ALOX5AP: variants seen among roughly 807,000 people sequenced by gnomAD.
ALOX5AP encodes arachidonate 5-lipoxygenase-activating protein.
Under a neutral mutation model 18.5 loss-of-function variants are expected in ALOX5AP, and 9 were observed. The observed-to-expected ratio is 0.49, with a 90% CI of 0.29 to 0.85. The LOEUF (loss-of-function observed/expected upper bound fraction) is 0.85, where lower values mean the gene tolerates loss of function less well. Among genes scored for constraint, ALOX5AP ranks in the 40% least tolerant of loss-of-function variants. The probability of loss-of-function intolerance (pLI) is 0.08; values close to 1 mark genes in which losing one functional copy is unlikely to be tolerated. For synonymous variants in ALOX5AP, 81 were observed against 78.6 expected, an observed-to-expected ratio of 1.03 and a Z score of -0.16; for missense variants, 172 against 202.5, an observed-to-expected ratio of 0.85 and a Z score of 0.91.
chr13:30,723,583 A>G (rs1951611502), intron 1 of ALOX5AP, among the ~76,000 whole-genome samples: 1 of 152,214 alleles, frequency 6.6e-6, no homozygotes, highest in Non-Finnish European at 1.5e-5. Flanking sequence ...CCACCATTCA[A>G]TATTTCTAAT....
chr13:30,735,587 T>A lies in ALOX5AP; in HGVS notation c.-19T>A. 2 of 1,614,076 alleles carry A rather than the reference T, an allele frequency of 1.2e-6. No individual in the cohort carries two copies. Among genetic ancestry groups the A allele is most frequent in the Non-Finnish European group, 1.7e-6 (2 of 1,179,994 alleles). ...CAGCTGGAGGCAGAGCAGTCCTCTCTGGGGAGCCTGAAGCAAACATGGATC... is the reference window on the plus strand; with the variant it reads ...CAGCTGGAGGCAGAGCAGTCCTCTCAGGGGAGCCTGAAGCAAACATGGATC... On this transcript the variant is annotated 5_prime_UTR_variant, in exon 1 of 5. Coordinates refer to ENST00000380490, the MANE Select transcript of ALOX5AP (RefSeq NM_001629.4).
intron 1 of ALOX5AP, among the ~76,000 whole-genome samples, chr13:30,737,598 G>T (rs543873060): frequency 6.6e-4 from 101 of 152,312 alleles, no homozygotes; most frequent in African/African-American, 2.3e-3. Flanking sequence ...TGATGAGTGT[G>T]CTGGGGGCTT....
chr13:30,751,820 C>T (rs1165672979), intron 2 of ALOX5AP, among the ~76,000 whole-genome samples: 5 of 152,176 alleles, frequency 3.3e-5, no homozygotes, highest in African/African-American at 1.2e-4. Flanking sequence ...TACGCATCAC[C>T]GTAGGAACAG....
intron 4 of ALOX5AP, among the ~76,000 whole-genome samples, chr13:30,757,943 A>G (rs371138218): frequency 6.6e-6 from 1 of 152,126 alleles, no homozygotes; most frequent in South Asian, 2.1e-4. Context: ...TTTAGGTGAT[A>G]AGAAGAAGAT....
intron 2 of ALOX5AP, among the ~76,000 whole-genome samples, chr13:30,744,764 C>T (rs17245113): frequency 2.0e-5 from 3 of 152,330 alleles, no homozygotes; most frequent in Non-Finnish European, 2.9e-5. Flanking sequence ...GCAATCTATT[C>T]GGGATGCAAA....
intron 2 of ALOX5AP, among the ~76,000 whole-genome samples, chr13:30,749,731 G>C (rs544077033): frequency 6.6e-6 from 1 of 152,280 alleles, no homozygotes; most frequent in South Asian, 2.1e-4. Context: ...TTTCTGTCCT[G>C]TTCCTGGTTT....
chr13:30,726,491 A>G lies in ALOX5AP; in HGVS notation c.117-9060A>G, dbSNP rs565634076. On this transcript the variant is annotated intron_variant, in intron 1 of 5. Coordinates refer to the ALOX5AP transcript ENST00000617770. ...ATTTTATCTATGTCCATCTATGTCCATCTATATTCCATCTGTGTTCCCCTT... is the reference window on the plus strand; with the variant it reads ...ATTTTATCTATGTCCATCTATGTCCGTCTATATTCCATCTGTGTTCCCCTT... 4.6e-5 allele frequency among the ~76,000 whole-genome samples: 7 copies of G among 152,306 alleles called. No homozygotes were observed. The South Asian group carries it at 1.5e-3, about 32-fold the overall frequency.
At chr13:30,714,913 T>G (rs758470780) in intron 1 of ALOX5AP, among the ~76,000 whole-genome samples, 3 of 151,642 alleles carry the variant, frequency 2.0e-5, no homozygotes, top group Non-Finnish European at 4.4e-5. Context: ...CCCACTGTAC[T>G]CCCCGCTTAG....
chr13:30,718,358 G>A (rs928421558), intron 1 of ALOX5AP, among the ~76,000 whole-genome samples: 2 of 144,248 alleles, frequency 1.4e-5, no homozygotes, highest in Non-Finnish European at 3.0e-5. Flanking sequence ...CAGGAACTGT[G>A]GATGAAAACC....
chr13:30,729,687 C>T (rs1298257477), intron 1 of ALOX5AP, among the ~76,000 whole-genome samples: 1 of 151,668 alleles, frequency 6.6e-6, no homozygotes, highest in African/African-American at 2.4e-5. Context: ...AGTGATTCTC[C>T]TGCCTCAGCC....
At chr13:30,755,092 C>T (rs1951882250) in intron 3 of ALOX5AP, among the ~76,000 whole-genome samples, 1 of 152,140 alleles carries the variant, frequency 6.6e-6, no homozygotes, top group Non-Finnish European at 1.5e-5. Flanking sequence ...TCCCAAAAAG[C>T]TAGAATGCAG....
intron 3 of ALOX5AP, among the ~76,000 whole-genome samples, chr13:30,754,051 C>T (rs1951872626): frequency 6.6e-6 from 1 of 152,110 alleles, no homozygotes; most frequent in Non-Finnish European, 1.5e-5. Flanking sequence ...AACAGCCTGA[C>T]CAACATGGAG....
At chr13:30,728,355 T>C (rs2137794733) in intron 1 of ALOX5AP, among the ~76,000 whole-genome samples, 1 of 152,346 alleles carries the variant, frequency 6.6e-6, no homozygotes, top group Non-Finnish European at 1.5e-5. Flanking sequence ...TGTGCTACTT[T>C]GTTATGGCAA....
At chr13:30,737,319 G>T (rs1380517865) in intron 1 of ALOX5AP, among the ~76,000 whole-genome samples, 1 of 152,198 alleles carries the variant, frequency 6.6e-6, no homozygotes, top group East Asian at 1.9e-4. Context: ...CCTAATGGAG[G>T]TGCACCAGGG....
intron 3 of ALOX5AP, 99 bp from the exon 4 acceptor site, chr13:30,755,845 T>A (rs781662458): frequency 2.6e-6 from 3 of 1,164,618 alleles, no homozygotes; most frequent in Non-Finnish European, 3.8e-6. Flanking sequence ...GCGTGTGTCT[T>A]CTGCTAGATT....
At chr13:30,762,225 G>A (rs756204918) in intron 4 of ALOX5AP, among the ~76,000 whole-genome samples, 4 of 152,154 alleles carry the variant, frequency 2.6e-5, no homozygotes, top group Non-Finnish European at 4.4e-5. Flanking sequence ...GCTGGTCCAC[G>A]GACCATACTT....
At chr13:30,740,100 T>C (rs1160149998) in intron 1 of ALOX5AP, among the ~76,000 whole-genome samples, 1 of 152,200 alleles carries the variant, frequency 6.6e-6, no homozygotes, top group East Asian at 1.9e-4. Context: ...CCTCTCCTCT[T>C]CCTGTGTTCT....
At chr13:30,748,025 T>C (rs566656498) in intron 2 of ALOX5AP, among the ~76,000 whole-genome samples, 3 of 152,268 alleles carry the variant, frequency 2.0e-5, no homozygotes, top group Non-Finnish European at 4.4e-5. Context: ...GCTTAAGCAA[T>C]TTTTGTGCCT....
At chr13:30,739,641 G>A (rs1163039983) in intron 1 of ALOX5AP, among the ~76,000 whole-genome samples, 3 of 152,142 alleles carry the variant, frequency 2.0e-5, no homozygotes, top group African/African-American at 4.8e-5. Context: ...CACCATGTTG[G>A]CCAGGTTGGC....
Sources: allele counts gnomAD v4.1 joint callset (sites outside exome capture counted in the v4.1 genomes callset), GRCh38; gene constraint gnomAD v4.1.1; transcripts MANE v1.5; gene names NCBI Gene and HGNC (gene_info 2026-07-23, HGNC 2026-07-21).